The following PHACTR4 variants were observed in gnomAD, a reference collection of about 807,000 sequenced individuals.
PHACTR4 encodes protein phosphatase 1, regulatory subunit 124.
PHACTR4 carries 51 observed loss-of-function variants against 72.7 expected under a neutral mutation model. The observed-to-expected ratio is 0.70, with a 90% confidence interval of 0.56 to 0.89. The LOEUF (loss-of-function observed/expected upper bound fraction) is 0.89. PHACTR4 is among the 40% of genes least tolerant of loss of function. The pLI, the probability that PHACTR4 is intolerant of heterozygous loss-of-function variation, is 0.00. For missense variants in PHACTR4, 731 were observed against 861.8 expected (o/e 0.85, Z 1.90); for synonymous variants, 255 against 302.5 (o/e 0.84, Z 1.63).
chr1:28,394,172 T>C (rs1187385511), intron 1 of PHACTR4, among the ~76,000 whole-genome samples: 1 of 151,520 alleles, frequency 6.6e-6, no homozygotes. Flanking sequence ...AAGACAGTGA[T>C]ATTCTTGATC....
At position 28,417,948 on chromosome 1, in the gene PHACTR4, C is replaced by CAA. The variant is rs745690078; in HGVS notation, c.16+10502_16+10503dup. 4.8e-5 allele frequency among the ~76,000 whole-genome samples: 4 copies of CAA among 83,466 alleles called. No individual in the cohort carries two copies. In the East Asian group the frequency reaches 1.7e-3, roughly 36 times the overall value. 54.8% of individuals were successfully genotyped at this position (83,466 alleles called of 152,430 possible). A position where few individuals can be genotyped will look rare whatever the true frequency, so the allele number is the denominator to read the frequency against. On this transcript the variant is annotated intron_variant, in intron 2 of 13. Coordinates refer to ENST00000373839, the MANE Select transcript of PHACTR4 (RefSeq NM_001048183.3). ...GCCTAGGCAACATTGGGAGACCCTA[C>CAA]AAAAAAAAAAAAAAAAAAGACACAA...
chr1:28,409,951 A>ATTTTTTTTT (rs57186471), intron 2 of PHACTR4, among the ~76,000 whole-genome samples: 16 of 66,338 alleles, frequency 2.4e-4, no homozygotes, highest in East Asian at 1.1e-3. Flanking sequence ...TTCTTCATAA[A>ATTTTTTTTT]TTTTTTTTTT....
chr1:28,390,576 G>A (rs968102726), intron 1 of PHACTR4, among the ~76,000 whole-genome samples: 53 of 152,154 alleles, frequency 3.5e-4, no homozygotes, highest in African/African-American at 1.1e-3. Flanking sequence ...GATCACCTGA[G>A]GTCAGGAGTT....
At chr1:28,482,295 C>CT (rs774915283) in intron 9 of PHACTR4, among the ~76,000 whole-genome samples, 6 of 152,138 alleles carry the variant, frequency 3.9e-5, no homozygotes, top group African/African-American at 1.4e-4. Flanking sequence ...TCCTCTGTCA[C>CT]TTTTTTTATC....
intron 1 of PHACTR4, 22 bp downstream of exon 1, chr1:28,369,847 A>T: frequency 2.3e-6 from 1 of 442,962 alleles, no homozygotes; most frequent in Non-Finnish European, 4.5e-6. Context: ...GAGCAAGGGA[A>T]AGTGAGCAGG....
intron 2 of PHACTR4, among the ~76,000 whole-genome samples, chr1:28,446,454 A>G (rs1300921694): frequency 1.3e-5 from 2 of 152,176 alleles, no homozygotes; most frequent in African/African-American, 4.8e-5. Flanking sequence ...ACTGTCCTCA[A>G]GATAGTAAGT....
chr1:28,485,666 C>T (rs929167688), intron 9 of PHACTR4, among the ~76,000 whole-genome samples: 3 of 150,366 alleles, frequency 2.0e-5, no homozygotes, highest in African/African-American at 4.9e-5. Context: ...TTTGGGAGGC[C>T]GAGGCAGGCG....
intron 1 of PHACTR4, among the ~76,000 whole-genome samples, chr1:28,396,858 T>G (rs1013919985): frequency 2.7e-4 from 40 of 147,218 alleles, no homozygotes; most frequent in Non-Finnish European, 4.6e-4. Context: ...TTTTTTTTTT[T>G]TTTTTTGTAT....
chr1:28,409,425 A>G (rs1014268546), intron 2 of PHACTR4, among the ~76,000 whole-genome samples: 2 of 152,196 alleles, frequency 1.3e-5, no homozygotes, highest in Admixed American at 6.5e-5. Context: ...ATGTCTTAGG[A>G]TATCAGATTT....
intron 1 of PHACTR4, among the ~76,000 whole-genome samples, chr1:28,373,033 C>G (rs1651361601): frequency 6.6e-6 from 1 of 152,022 alleles, no homozygotes; most frequent in Non-Finnish European, 1.5e-5. Context: ...TCATGGCCCA[C>G]TGTAGCCTCA....
intron 2 of PHACTR4, among the ~76,000 whole-genome samples, chr1:28,418,184 G>T (rs547452070): frequency 2.6e-5 from 4 of 151,846 alleles, no homozygotes; most frequent in African/African-American, 9.7e-5. Flanking sequence ...ACATTTGTCC[G>T]GCTGGGTGTG....
intron 1 of PHACTR4, among the ~76,000 whole-genome samples, chr1:28,392,641 C>T (rs1653147576): frequency 6.6e-6 from 1 of 152,006 alleles, no homozygotes; most frequent in African/African-American, 2.4e-5. Context: ...GATCCACCCA[C>T]CTCAGCCTCC....
intron 2 of PHACTR4, among the ~76,000 whole-genome samples, chr1:28,423,222 AC>A (rs1338680153): frequency 6.6e-6 from 1 of 152,134 alleles, no homozygotes; most frequent in African/African-American, 2.4e-5. Context: ...TTCTGGGGCA[AC>A]ATAGCAAGAC....
At chr1:28,460,372 CTT>C in intron 4 of PHACTR4, 80 bp downstream of exon 4, 1 of 1,043,986 alleles carries the variant, frequency 9.6e-7, no homozygotes, top group Non-Finnish European at 1.4e-6. Flanking sequence ...TTTGAATTTT[CTT>C]TCTTTCTTTT....
At chr1:28,446,615 C>T (rs1057504801) in intron 2 of PHACTR4, among the ~76,000 whole-genome samples, 4 of 152,058 alleles carry the variant, frequency 2.6e-5, no homozygotes, top group African/African-American at 7.2e-5. Flanking sequence ...CCTGTCTTTA[C>T]TAAAACTACA....
chr1:28,477,003 C>T (rs1306883999), intron 8 of PHACTR4, among the ~76,000 whole-genome samples: 2 of 151,414 alleles, frequency 1.3e-5, no homozygotes, highest in Non-Finnish European at 2.9e-5. Flanking sequence ...CTCCCGACCT[C>T]AGGTGATCTG....
At chr1:28,431,933 G>A (rs536957282) in intron 2 of PHACTR4, among the ~76,000 whole-genome samples, 3 of 151,992 alleles carry the variant, frequency 2.0e-5, no homozygotes, top group Non-Finnish European at 2.9e-5. Flanking sequence ...TATCTTGGCC[G>A]GGCACAGTGG....
At chr1:28,430,993 C>T (rs553390334) in intron 2 of PHACTR4, among the ~76,000 whole-genome samples, 132 of 147,880 alleles carry the variant, frequency 8.9e-4, no homozygotes, top group African/African-American at 2.9e-3. Flanking sequence ...TTGGCTAACA[C>T]AGTGAAACCC....
chr1:28,374,990 G>A (rs2124102823), intron 1 of PHACTR4, among the ~76,000 whole-genome samples: 1 of 152,268 alleles, frequency 6.6e-6, no homozygotes, highest in South Asian at 2.1e-4. Flanking sequence ...CCTGTAGCAA[G>A]TTATTTTTAC....
Sources: allele counts gnomAD v4.1 joint callset (sites outside exome capture counted in the v4.1 genomes callset), GRCh38; gene constraint gnomAD v4.1.1; transcripts MANE v1.5; gene names NCBI Gene and HGNC (gene_info 2026-07-23, HGNC 2026-07-21).